THRB: variants seen among roughly 807,000 people sequenced by gnomAD.
THRB encodes thyroid hormone receptor beta.
A neutral mutation model predicts 47.8 loss-of-function variants in THRB; 12 were observed. That is an observed-to-expected ratio of 0.25 (90% CI 0.16 to 0.41). THRB has a LOEUF of 0.41. Among genes scored for constraint, THRB ranks in the 10% least tolerant of loss-of-function variants. THRB has a pLI of 1.00. For missense variants in THRB, 348 were observed against 589.2 expected, an observed-to-expected ratio of 0.59 and a Z score of 4.24; for synonymous variants, 218 against 212.2, an observed-to-expected ratio of 1.03 and a Z score of -0.24.
Position 24,382,079 on chromosome 3 carries a change from C to T in THRB, c.-260-44708G>A, listed in dbSNP as rs78252131. Among the ~76,000 whole-genome samples, 558 of 151,374 alleles carry T rather than the reference C, an allele frequency of 3.7e-3. 5 individuals are homozygous for T. Among genetic ancestry groups the T allele is most frequent in the African/African-American group, 0.013 (538 of 41,318 alleles). On this transcript the variant is annotated intron_variant, in intron 1 of 10. Coordinates refer to ENST00000646209, the MANE Select transcript of THRB (RefSeq NM_001354712.2). ...ACCAGTGGAGAAACAGAAAAATATCCACTTTGAATCATAAAAGACATTACA... is the reference window on the plus strand; with the variant it reads ...ACCAGTGGAGAAACAGAAAAATATCTACTTTGAATCATAAAAGACATTACA...
chr3:24,265,151 A>G (rs1393192937), intron 3 of THRB, among the ~76,000 whole-genome samples: 2 of 152,162 alleles, frequency 1.3e-5, no homozygotes, highest in African/African-American at 4.8e-5. Flanking sequence ...CAAATTGGAC[A>G]TGGTCTTGGT....
Position 24,357,288 on chromosome 3 carries a change from A to G in THRB, c.-260-19917T>C, listed in dbSNP as rs545253438. On this transcript the variant is annotated intron_variant, in intron 1 of 10. Coordinates refer to ENST00000646209, the MANE Select transcript of THRB (RefSeq NM_001354712.2). ...GGGAAAAGCAAGGAGTCAAGCAGAA[A>G]GGTAAAGTGACTTTCTCAGTCTTAA... is the stretch of plus-strand genomic sequence containing the variant. Among the ~76,000 whole-genome samples the G allele has an allele frequency of 2.8e-4, 39 of 140,918 alleles. No homozygotes were observed. In the South Asian group the frequency reaches 7.0e-3, roughly 25 times the overall value. 92.4% of individuals were successfully genotyped at this position (140,918 alleles called of 152,430 possible). A position where few individuals can be genotyped will look rare whatever the true frequency, so the allele number is the denominator to read the frequency against.
intron 2 of THRB, among the ~76,000 whole-genome samples, chr3:24,316,313 T>C (rs889042403): frequency 1.3e-5 from 2 of 152,220 alleles, no homozygotes; most frequent in African/African-American, 2.4e-5. Context: ...TAACATTTCA[T>C]CATAATATAT....
At chr3:24,240,749 A>G (rs2049401817) in intron 3 of THRB, among the ~76,000 whole-genome samples, 1 of 152,098 alleles carries the variant, frequency 6.6e-6, no homozygotes, top group Admixed American at 6.5e-5. Context: ...AGAGTTTCTG[A>G]TTCAGTTAGT....
intron 2 of THRB, among the ~76,000 whole-genome samples, chr3:24,305,605 T>C (rs2149139094): frequency 6.6e-6 from 1 of 152,356 alleles, no homozygotes; most frequent in African/African-American, 2.4e-5. Flanking sequence ...AATTATATTT[T>C]CATTGTAAAA....
At chr3:24,331,054 A>G (rs2061893288) in intron 2 of THRB, among the ~76,000 whole-genome samples, 1 of 152,106 alleles carries the variant, frequency 6.6e-6, no homozygotes, top group African/African-American at 2.4e-5. Context: ...TTTTTTGGAT[A>G]TAAGGAGTTC....
In THRB at chr3:24,201,370, C is replaced by T. The variant is rs138392121; in HGVS notation, c.23-11036G>A. On this transcript the variant is annotated intron_variant, in intron 4 of 10. Coordinates refer to ENST00000646209, the MANE Select transcript of THRB (RefSeq NM_001354712.2). ...TGCTCAAATGGCTTGTGAATATCTACGGCCCTGTTACTCAAAGTGCAGTCT... is the reference window on the plus strand; with the variant it reads ...TGCTCAAATGGCTTGTGAATATCTATGGCCCTGTTACTCAAAGTGCAGTCT... 5.5e-4 allele frequency among the ~76,000 whole-genome samples: 83 copies of T among 152,202 alleles called. 1 individual carries two copies. The highest frequency in any genetic ancestry group is 1.5e-3 in the African/African-American group (63 of 41,526).
intron 7 of THRB, among the ~76,000 whole-genome samples, chr3:24,146,088 C>T (rs571839449): frequency 3.9e-4 from 60 of 152,180 alleles, no homozygotes; most frequent in Non-Finnish European, 1.2e-4. Context: ...GACTTCAGCT[C>T]GGAATGTCTT....
chr3:24,217,762 T>C (rs1039272573), intron 4 of THRB, among the ~76,000 whole-genome samples: 4 of 152,118 alleles, frequency 2.6e-5, no homozygotes, highest in African/African-American at 7.2e-5. Flanking sequence ...TTCAGGAAAA[T>C]ACTGTGTGGT....
chr3:24,146,350 ATC>A (rs1553617690), intron 7 of THRB, among the ~76,000 whole-genome samples: 4 of 152,212 alleles, frequency 2.6e-5, no homozygotes, highest in Non-Finnish European at 5.9e-5. Flanking sequence ...CTCATTTGTA[ATC>A]TCTGTCTCAA....
intron 1 of THRB, among the ~76,000 whole-genome samples, chr3:24,464,226 A>T (rs1280275456): frequency 6.6e-6 from 1 of 151,462 alleles, no homozygotes; most frequent in Admixed American, 6.6e-5. Flanking sequence ...AACCTGGGCG[A>T]CAGTGAGACT....
chr3:24,455,866 G>A (rs993677255), intron 1 of THRB, among the ~76,000 whole-genome samples: 20 of 152,178 alleles, frequency 1.3e-4, no homozygotes, highest in South Asian at 2.1e-4. Context: ...AGGTGGGCTG[G>A]AGAAGGTGGG....
intron 1 of THRB, among the ~76,000 whole-genome samples, chr3:24,427,564 T>C (rs2069894843): frequency 6.6e-6 from 1 of 151,968 alleles, no homozygotes; most frequent in Non-Finnish European, 1.5e-5. Context: ...AAGCAGAAAA[T>C]TGATAAATTA....
At chr3:24,395,365 ATATCT>A (rs1165890521) in intron 1 of THRB, among the ~76,000 whole-genome samples, 1 of 152,140 alleles carries the variant, frequency 6.6e-6, no homozygotes, top group East Asian at 1.9e-4. Flanking sequence ...TGAAAATCAT[ATATCT>A]TATAAGAAAT....
In THRB at chr3:24,218,369, A is replaced by G. The variant is rs1363267551; in HGVS notation, c.22+10569T>C. On this transcript the variant is annotated intron_variant, in intron 4 of 10. Coordinates refer to ENST00000646209, the MANE Select transcript of THRB (RefSeq NM_001354712.2). The stretch of plus-strand genomic sequence containing the variant: ...TTTTTTTTTTTTTTTTTTTAAAAAG[A>G]AAAGTCCTTAGCTGTACGGAAAATT... Among the ~76,000 whole-genome samples, 95 of 147,254 alleles carry G rather than the reference A, an allele frequency of 6.5e-4. 1 individual carries two copies. The South Asian group carries it at 0.02, about 31-fold the overall frequency.
At chr3:24,300,757 A>G (rs767413495) in intron 2 of THRB, among the ~76,000 whole-genome samples, 23 of 152,186 alleles carry the variant, frequency 1.5e-4, no homozygotes, top group Middle Eastern at 3.2e-3. Context: ...TATTTGGTAG[A>G]TTTGTATTTG....
chr3:24,230,337 C>T (rs1449874), intron 3 of THRB, among the ~76,000 whole-genome samples: 74,735 of 151,980 alleles, frequency 0.49, 18,806 homozygotes, highest in South Asian at 0.59. Context: ...CTACACTGAG[C>T]GGAATGTCAG....
intron 10 of THRB, among the ~76,000 whole-genome samples, chr3:24,126,635 C>CCAAA (rs5847272): frequency 0.55 from 83,695 of 151,366 alleles, 23,273 homozygotes; most frequent in East Asian, 0.73. Context: ...GTGACAAGTG[C>CCAAA]CAAAGCACAT....
At chr3:24,395,207 TTATGCAAAGCTTTTTTTAGA>T (rs1303212740) in intron 1 of THRB, among the ~76,000 whole-genome samples, 4 of 152,072 alleles carry the variant, frequency 2.6e-5, no homozygotes, top group Admixed American at 2.6e-4. Context: ...TGACCTTGGG[TTATGCAAAGCTTTTTTTAGA>T]TATGACACCA....
Sources: allele counts gnomAD v4.1 joint callset (sites outside exome capture counted in the v4.1 genomes callset), GRCh38; gene constraint gnomAD v4.1.1; transcripts MANE v1.5; gene names NCBI Gene and HGNC (gene_info 2026-07-23, HGNC 2026-07-21).